Variants in UTRN observed in about 807,000 individuals in gnomAD.
UTRN encodes utrophin.
In UTRN, 283 loss-of-function variants were observed where a neutral mutation model predicts 463.9. The ratio of observed to expected loss-of-function variants is 0.61; its 90% CI spans 0.55 to 0.67. The LOEUF is 0.67. Among genes scored for constraint, UTRN ranks in the 30% least tolerant of loss-of-function variants. The pLI is 0.00. For synonymous variants in UTRN, 1,442 were observed against 1,431.5 expected (o/e 1.01, Z -0.17); for missense variants, 3,922 against 4,084.3 (o/e 0.96, Z 1.08).
intron 23 of UTRN, among the ~76,000 whole-genome samples, chr6:144,470,537 C>T (rs1375729863): frequency 1.3e-5 from 2 of 151,468 alleles, no homozygotes. Context: ...TCCTCACTTC[C>T]TAGACAGGAT....
intron 2 of UTRN, among the ~76,000 whole-genome samples, chr6:144,306,038 C>CT (rs1805707048): frequency 6.6e-6 from 1 of 152,190 alleles, no homozygotes; most frequent in Admixed American, 6.5e-5. Context: ...GAACTACTTC[C>CT]CTGACACATA....
At chr6:144,553,315 G>A (rs1799088982) in intron 48 of UTRN, among the ~76,000 whole-genome samples, 1 of 152,122 alleles carries the variant, frequency 6.6e-6, no homozygotes, top group Non-Finnish European at 1.5e-5. Context: ...TGGGATTACA[G>A]GTGTCAGCCA....
intron 2 of UTRN, among the ~76,000 whole-genome samples, chr6:144,320,912 T>A (rs1775596068): frequency 6.6e-6 from 1 of 152,212 alleles, no homozygotes; most frequent in Non-Finnish European, 1.5e-5. Context: ...TTACTTATTG[T>A]CTTTCCCTGC....
intron 51 of UTRN, among the ~76,000 whole-genome samples, chr6:144,671,883 G>A (rs1249518889): frequency 6.6e-6 from 1 of 151,984 alleles, no homozygotes; most frequent in East Asian, 1.9e-4. Flanking sequence ...GCTGGATTTT[G>A]TTAATTGCTT....
chr6:144,407,234 G>A (rs1783500293), intron 3 of UTRN, among the ~76,000 whole-genome samples: 1 of 152,024 alleles, frequency 6.6e-6, no homozygotes, highest in Admixed American at 6.6e-5. Flanking sequence ...GCATTTAGTA[G>A]GTATCCAGTA....
intron 60 of UTRN, among the ~76,000 whole-genome samples, chr6:144,779,117 T>C (rs1239357845): frequency 2.0e-5 from 3 of 152,102 alleles, no homozygotes; most frequent in African/African-American, 4.8e-5. Context: ...ATGCAGGAAA[T>C]GGGCTTTTTG....
intron 73 of UTRN, 50 bp from the exon 74 acceptor site, chr6:144,846,755 A>T (rs757667226): frequency 6.2e-7 from 1 of 1,613,836 alleles, no homozygotes. Context: ...GTTGGAACCA[A>T]CAAAGTAACA....
intron 34 of UTRN, among the ~76,000 whole-genome samples, chr6:144,504,479 T>C (rs1794521178): frequency 6.6e-6 from 1 of 152,256 alleles, no homozygotes; most frequent in African/African-American, 2.4e-5. Context: ...AGGCCTTTTC[T>C]GCATCTATTG....
chr6:144,527,292 T>A (rs1796651664), intron 41 of UTRN, among the ~76,000 whole-genome samples: 11 of 152,202 alleles, frequency 7.2e-5, no homozygotes, highest in Admixed American at 7.2e-4. Context: ...TGGCTTGTAA[T>A]TGTTTTGTTT....
At chr6:144,342,376 C>T (rs981084104) in intron 2 of UTRN, among the ~76,000 whole-genome samples, 2 of 150,802 alleles carry the variant, frequency 1.3e-5, no homozygotes, top group Non-Finnish European at 3.0e-5. Flanking sequence ...CACACACACC[C>T]GCCACACCCA....
chr6:144,790,352 G>C (rs561274863), intron 62 of UTRN, among the ~76,000 whole-genome samples: 1 of 152,284 alleles, frequency 6.6e-6, no homozygotes, highest in East Asian at 1.9e-4. Flanking sequence ...AAAAACAATA[G>C]GATGTTTGAT....
intron 3 of UTRN, among the ~76,000 whole-genome samples, chr6:144,418,785 CA>C (rs753330910): frequency 1.3e-5 from 2 of 152,002 alleles, no homozygotes; most frequent in Admixed American, 6.6e-5. Context: ...AATTCCTGCT[CA>C]AGTGATCCTC....
At chr6:144,287,334 C>T (rs983215950) in intron 1 of UTRN, among the ~76,000 whole-genome samples, 5 of 152,112 alleles carry the variant, frequency 3.3e-5, no homozygotes, top group African/African-American at 1.2e-4. Flanking sequence ...GTATTAATCA[C>T]AGTAGTATTA....
intron 50 of UTRN, among the ~76,000 whole-genome samples, chr6:144,565,342 G>A (rs890667630): frequency 1.2e-4 from 19 of 152,150 alleles, no homozygotes; most frequent in African/African-American, 4.3e-4. Flanking sequence ...AGGCAATTAT[G>A]TATGTTAATC....
intron 51 of UTRN, among the ~76,000 whole-genome samples, chr6:144,615,000 C>G (rs1330609455): frequency 6.6e-6 from 1 of 152,030 alleles, no homozygotes; most frequent in Non-Finnish European, 1.5e-5. Context: ...CCCCTCTTTC[C>G]CGATATTCAT....
Position 144,473,800 on chromosome 6 carries a change from C to T in UTRN, c.3147C>T (p.Asp1049=), listed in dbSNP as rs779601878. 7 of 1,613,948 alleles carry T rather than the reference C, an allele frequency of 4.3e-6. No homozygotes were observed. Among genetic ancestry groups the T allele is most frequent in the South Asian group, 1.1e-5 (1 of 91,088 alleles). ...LMKQQAAQGD[D]AGLQRQLDQC... ...AACAGCAGGCTGCCCAAGGAGACGA[C>T]GCAGGTCTACAGAGGCAGTTAGACC... is the stretch of plus-strand genomic sequence containing the variant. Residue 1049 remains aspartate (D), a synonymous_variant, in exon 24 of 75, where the codon GAC becomes GAT. Coordinates refer to ENST00000367545, the MANE Select transcript of UTRN (RefSeq NM_007124.3).
In UTRN at chr6:144,413,978, A is replaced by G. The variant is rs372097115; in HGVS notation, c.142-7900A>G. On this transcript the variant is annotated intron_variant, in intron 3 of 74. Coordinates refer to ENST00000367545, the MANE Select transcript of UTRN (RefSeq NM_007124.3). ...GCCACCACGACTGGCTAATTTTTGTATTTTTAGTAGAGACGGGATTTCACC... is the reference window on the plus strand; with the variant it reads ...GCCACCACGACTGGCTAATTTTTGTGTTTTTAGTAGAGACGGGATTTCACC... Among the ~76,000 whole-genome samples, 4 of 151,932 alleles carry G rather than the reference A, an allele frequency of 2.6e-5. No homozygotes were observed. In the South Asian group the frequency reaches 8.3e-4, roughly 32 times the overall value.
At chr6:144,547,795 TTG>T (rs1343259660) in intron 46 of UTRN, among the ~76,000 whole-genome samples, 1 of 152,218 alleles carries the variant, frequency 6.6e-6, no homozygotes, top group Non-Finnish European at 1.5e-5. Flanking sequence ...TGACTGTTTT[TTG>T]TCCTTTTCTC....
intron 2 of UTRN, among the ~76,000 whole-genome samples, chr6:144,399,358 A>G (rs1782734898): frequency 6.6e-6 from 1 of 152,204 alleles, no homozygotes; most frequent in Non-Finnish European, 1.5e-5. Flanking sequence ...TAGGGCCCAC[A>G]AAAAGAAGAA....
Sources: allele counts gnomAD v4.1 joint callset (sites outside exome capture counted in the v4.1 genomes callset), GRCh38; gene constraint gnomAD v4.1.1; transcripts MANE v1.5; gene names NCBI Gene and HGNC (gene_info 2026-07-23, HGNC 2026-07-21).